Variants in ZDHHC14 observed in about 807,000 individuals in gnomAD.
ZDHHC14 encodes palmitoyltransferase ZDHHC14.
A neutral mutation model predicts 47.7 loss-of-function variants in ZDHHC14; 16 were observed. That is an observed-to-expected ratio of 0.34 (90% CI 0.23 to 0.51). ZDHHC14 has a LOEUF of 0.51. Ranked by LOEUF, ZDHHC14 falls within the 20% of genes least tolerant of loss-of-function variation. The probability of loss-of-function intolerance (pLI) is 0.97; values close to 1 mark genes in which losing one functional copy is unlikely to be tolerated. For synonymous variants in ZDHHC14, 293 were observed against 278.9 expected (o/e 1.05, Z -0.50); for missense variants, 515 against 662.5 (o/e 0.78, Z 2.44).
chr6:157,445,541 C>T (rs879263026), intron 1 of ZDHHC14, among the ~76,000 whole-genome samples: 1 of 152,248 alleles, frequency 6.6e-6, no homozygotes, highest in East Asian at 1.9e-4. Context: ...GACCAATGGT[C>T]CCTCACGGTG....
At chr6:157,525,088 A>C (rs1278958281) in intron 1 of ZDHHC14, among the ~76,000 whole-genome samples, 2 of 152,184 alleles carry the variant, frequency 1.3e-5, no homozygotes, top group African/African-American at 4.8e-5. Context: ...CAGCTCACTC[A>C]GGGGCTGTTG....
At chr6:157,584,577 C>T (rs34491673) in intron 2 of ZDHHC14, among the ~76,000 whole-genome samples, 97,382 of 152,054 alleles carry the variant, frequency 0.64, 32,269 homozygotes, top group African/African-American at 0.82. Flanking sequence ...CTGCTATTCC[C>T]TCAGGAAGAA....
chr6:157,477,979 G>A (rs555200851), intron 1 of ZDHHC14, among the ~76,000 whole-genome samples: 80 of 152,192 alleles, frequency 5.3e-4, no homozygotes, highest in African/African-American at 1.9e-3. Flanking sequence ...ATGTTTTGGT[G>A]GTGTGAGTTT....
At chr6:157,615,059 G>C (rs1002322747) in intron 3 of ZDHHC14, among the ~76,000 whole-genome samples, 1 of 152,052 alleles carries the variant, frequency 6.6e-6, no homozygotes, top group African/African-American at 2.4e-5. Context: ...ATGAGCCACT[G>C]TGCCCGGCCA....
intron 8 of ZDHHC14, among the ~76,000 whole-genome samples, chr6:157,664,562 A>G (rs1268969583): frequency 1.3e-5 from 2 of 152,112 alleles, no homozygotes; most frequent in East Asian, 3.8e-4. Context: ...TTGGAACTCA[A>G]CCTCCAAATT....
chr6:157,500,413 T>C (rs1780167460), intron 1 of ZDHHC14, among the ~76,000 whole-genome samples: 1 of 152,084 alleles, frequency 6.6e-6, no homozygotes, highest in Non-Finnish European at 1.5e-5. Context: ...CTGGAAGTCA[T>C]TTTTAAAAGA....
chr6:157,498,882 T>C (rs1038466500), intron 1 of ZDHHC14, among the ~76,000 whole-genome samples: 3 of 152,222 alleles, frequency 2.0e-5, no homozygotes, highest in African/African-American at 7.2e-5. Flanking sequence ...CTGTTTCCAT[T>C]GCATTGAGTT....
intron 1 of ZDHHC14, among the ~76,000 whole-genome samples, chr6:157,478,582 C>A (rs533231890): frequency 1.3e-5 from 2 of 152,302 alleles, no homozygotes; most frequent in South Asian, 4.1e-4. Context: ...TGTCCACACA[C>A]AAGAGAGTCA....
chr6:157,614,707 C>G (rs1349342277), intron 3 of ZDHHC14, among the ~76,000 whole-genome samples: 1 of 152,136 alleles, frequency 6.6e-6, no homozygotes, highest in Admixed American at 6.5e-5. Context: ...TGACCTGCTT[C>G]CTCACACGGG....
chr6:157,465,069 A>G (rs1328755403), intron 1 of ZDHHC14, among the ~76,000 whole-genome samples: 1 of 148,706 alleles, frequency 6.7e-6, no homozygotes, highest in Admixed American at 6.7e-5. Context: ...CTACCCTGTG[A>G]CATTCTAAAA....
chr6:157,644,972 C>T (rs1007108434), intron 5 of ZDHHC14, among the ~76,000 whole-genome samples: 3 of 152,078 alleles, frequency 2.0e-5, no homozygotes, highest in South Asian at 2.1e-4. Context: ...GTGTTGGACA[C>T]GTCTTGTGGA....
intron 5 of ZDHHC14, among the ~76,000 whole-genome samples, chr6:157,634,902 C>T (rs1335753658): frequency 2.0e-5 from 3 of 152,206 alleles, no homozygotes; most frequent in Non-Finnish European, 4.4e-5. Context: ...GGCCTGCTGG[C>T]GGCTTCTGCT....
chr6:157,674,691 A>G lies in ZDHHC14; in HGVS notation c.*1569A>G, dbSNP rs770434191. Reference sequence around the variant, plus strand: ...AAAAAGGCTATTACTCCTGAGAAAGAGTTGCCATTTTATATAAAAGAAAAG... The same window carrying G: ...AAAAAGGCTATTACTCCTGAGAAAGGGTTGCCATTTTATATAAAAGAAAAG... On this transcript the variant is annotated 3_prime_UTR_variant, in exon 9 of 9. Transcript: ENST00000359775. The G allele has an allele frequency of 6.6e-6, 1 of 152,256 alleles. No individual in the cohort carries two copies. Among genetic ancestry groups the G allele is most frequent in the Non-Finnish European group, 1.5e-5 (1 of 68,046 alleles). The allele number at this position is 152,256 out of a possible 1,614,324, so 9.4% of individuals were successfully genotyped here. A position where few individuals can be genotyped will look rare whatever the true frequency, so the allele number is the denominator to read the frequency against.
chr6:157,538,763 G>A (rs1168335146), intron 1 of ZDHHC14, among the ~76,000 whole-genome samples: 1 of 152,214 alleles, frequency 6.6e-6, no homozygotes, highest in East Asian at 1.9e-4. Context: ...GGCTTTTCAG[G>A]AAGCGGTATT....
At chr6:157,620,608 T>C (rs1785149977) in intron 3 of ZDHHC14, among the ~76,000 whole-genome samples, 1 of 152,240 alleles carries the variant, frequency 6.6e-6, no homozygotes, top group African/African-American at 2.4e-5. Context: ...TCTCCACACA[T>C]GGGCAGGTTC....
intron 1 of ZDHHC14, among the ~76,000 whole-genome samples, chr6:157,522,348 C>T (rs1292294551): frequency 6.6e-6 from 1 of 152,198 alleles, no homozygotes. Context: ...AGACTTGATG[C>T]GTAATCTCAA....
At chr6:157,659,860 A>G (rs1345741080) in intron 8 of ZDHHC14, among the ~76,000 whole-genome samples, 2 of 152,248 alleles carry the variant, frequency 1.3e-5, no homozygotes, top group African/African-American at 4.8e-5. Flanking sequence ...CAGATGGGAA[A>G]ACAAATACAC....
At chr6:157,615,936 G>A (rs1316934664) in intron 3 of ZDHHC14, among the ~76,000 whole-genome samples, 1 of 152,194 alleles carries the variant, frequency 6.6e-6, no homozygotes, top group Non-Finnish European at 1.5e-5. Context: ...GTGAGAGAGG[G>A]GGCCAGAGGC....
chr6:157,612,773 GA>G (rs1208526411), intron 3 of ZDHHC14, among the ~76,000 whole-genome samples: 1 of 151,154 alleles, frequency 6.6e-6, no homozygotes, highest in African/African-American at 2.4e-5. Context: ...GAGGGAAGAA[GA>G]AAAAGAGAAT....
Sources: allele counts gnomAD v4.1 joint callset (sites outside exome capture counted in the v4.1 genomes callset), GRCh38; gene constraint gnomAD v4.1.1; transcripts MANE v1.5; gene names NCBI Gene and HGNC (gene_info 2026-07-23, HGNC 2026-07-21).